Variants in C10orf143 observed in about 807,000 individuals in gnomAD.
The protein encoded by C10orf143 is chromosome 10 open reading frame 143, also known as uncharacterized protein C10orf143.
downstream of C10orf143, among the ~76,000 whole-genome samples, chr10:130,061,913 G>C (rs568631366): frequency 3.3e-5 from 5 of 152,150 alleles, no homozygotes; most frequent in Non-Finnish European, 7.3e-5. Context: ...CCTGTGGCCA[G>C]GGATGACTCT....
intron 4 of C10orf143, among the ~76,000 whole-genome samples, chr10:130,035,591 C>T (rs956593855): frequency 1.1e-4 from 16 of 152,220 alleles, no homozygotes; most frequent in African/African-American, 3.4e-4. Flanking sequence ...TGCCCCCTCA[C>T]TGCTTACTCG....
intron 1 of C10orf143, among the ~76,000 whole-genome samples, chr10:130,095,714 A>G (rs1184592): frequency 0.94 from 142,823 of 152,252 alleles, 67,032 homozygotes; most frequent in African/African-American, 0.96. Context: ...TTTAATAAAT[A>G]GTGTTGGGAA....
chr10:130,072,217 A>G (rs899421686), intron 3 of C10orf143, among the ~76,000 whole-genome samples: 1 of 152,246 alleles, frequency 6.6e-6, no homozygotes, highest in African/African-American at 2.4e-5. Flanking sequence ...TAATGGTCAC[A>G]GCTTTGTAAT....
rs561716604 is a variant in C10orf143, at chr10:130,098,408, T to C, written c.69+12296A>G. Among the ~76,000 whole-genome samples, 3 of 152,314 alleles carry C rather than the reference T, an allele frequency of 2.0e-5. No individual in the cohort carries two copies. In the East Asian group the frequency reaches 5.8e-4, roughly 29 times the overall value. ...GAGAAATCTAAAAAGATAGTAGCTA[T>C]GTGATGATAATGAAGGGTGACCATG... On this transcript the variant is annotated intron_variant, in intron 1 of 3. Coordinates refer to ENST00000637128, the MANE Select transcript of C10orf143 (RefSeq NM_001355042.2).
chr10:130,068,276 CAG>C, intron 3 of C10orf143: 1 of 152,314 alleles, frequency 6.6e-6, no homozygotes, highest in Non-Finnish European at 1.5e-5. Flanking sequence ...ATGAACTTAC[CAG>C]AGACTTCACC....
intron 3 of C10orf143, among the ~76,000 whole-genome samples, chr10:130,038,496 G>T (rs1860569981): frequency 6.6e-6 from 1 of 152,156 alleles, no homozygotes. Context: ...TGATGAGCCT[G>T]TGTAACACTT....
Position 130,110,306 on chromosome 10 carries a change from G to T in C10orf143, c.69+398C>A, listed in dbSNP as rs192407611. Reference sequence around the variant, plus strand: ...ACACCCAGCCCTGGGCCTGGCACGTGGCAGGCGCTCAGTGAACGAGACTCA... The same window carrying T: ...ACACCCAGCCCTGGGCCTGGCACGTTGCAGGCGCTCAGTGAACGAGACTCA... On this transcript the variant is annotated intron_variant, in intron 1 of 3. Transcript: ENST00000637128. 4.6e-5 allele frequency among the ~76,000 whole-genome samples: 7 copies of T among 152,318 alleles called. No homozygotes were observed. The East Asian group carries it at 1.2e-3, about 25-fold the overall frequency.
rs764477540 is a variant in C10orf143 at position 130,066,182 on chromosome 10, ATTTT to A, written c.298-1803_298-1800del. ...CATCAATTTGAGGACTGAGACCTGG[ATTTT>A]TTTTTTTTTTTTTTTTTTTGAGACA... is the stretch of plus-strand genomic sequence containing the variant. On this transcript the variant is annotated intron_variant, in intron 3 of 3. Coordinates refer to ENST00000637128, the MANE Select transcript of C10orf143 (RefSeq NM_001355042.2). 2.9e-3 allele frequency: 329 copies of A among 112,864 alleles called. 2 individuals carry two copies. Among genetic ancestry groups the A allele is most frequent in the African/African-American group, 8.4e-3 (258 of 30,570 alleles). 7.0% of individuals were successfully genotyped at this position (112,864 alleles called of 1,614,324 possible). A position where few individuals can be genotyped will look rare whatever the true frequency, so the allele number is the denominator to read the frequency against.
Position 130,108,371 on chromosome 10 carries a change from G to A in C10orf143, c.69+2333C>T, listed in dbSNP as rs182265512. On this transcript the variant is annotated intron_variant, in intron 1 of 3. Coordinates refer to ENST00000637128, the MANE Select transcript of C10orf143 (RefSeq NM_001355042.2). ...TTTCCCCCGACCCCCACATTCTGAA[G>A]GTAGAAGTGAGTTCCCTTCAGGGCT... The A allele has an allele frequency of 1.7e-4, 199 of 1,184,072 alleles. No individual in the cohort carries two copies. The African/African-American group carries it at 2.0e-3, about 12-fold the overall frequency. The allele number at this position is 1,184,072 out of a possible 1,614,324, so 73.3% of individuals were successfully genotyped here.
At chr10:130,041,319 G>A (rs1489391689) in intron 3 of C10orf143, among the ~76,000 whole-genome samples, 3 of 152,220 alleles carry the variant, frequency 2.0e-5, no homozygotes, top group Admixed American at 2.0e-4. Context: ...CAGGGGACAA[G>A]GCTGGGACAG....
intron 1 of C10orf143, among the ~76,000 whole-genome samples, chr10:130,081,130 A>C (rs1861201155): frequency 6.6e-6 from 1 of 152,230 alleles, no homozygotes; most frequent in African/African-American, 2.4e-5. Flanking sequence ...AAGGCTAAAA[A>C]TAAAAAGGAT....
At chr10:130,107,867 C>T (rs987937570) in intron 1 of C10orf143, 1 of 1,263,146 alleles carries the variant, frequency 7.9e-7, no homozygotes, top group South Asian at 1.2e-5. Context: ...GTTTCCTCCA[C>T]CAGCGCAATC....
intron 1 of C10orf143, among the ~76,000 whole-genome samples, chr10:130,094,015 T>TA (rs61617138): frequency 1.6e-3 from 219 of 137,690 alleles, no homozygotes; most frequent in South Asian, 0.012. Context: ...ATCTCACCAT[T>TA]AAAAAAAAAA....
At position 130,107,678 on chromosome 10, in the gene C10orf143, C is replaced by G. The variant is rs781202193; in HGVS notation, c.69+3026G>C. On this transcript the variant is annotated intron_variant, in intron 1 of 3. Coordinates refer to ENST00000637128, the MANE Select transcript of C10orf143 (RefSeq NM_001355042.2). ...AACTCTGTTGGAGGGTCCACTCAGACTCTCACCTTTGCCTCCAGGGGGGGA... is the reference window on the plus strand; with the variant it reads ...AACTCTGTTGGAGGGTCCACTCAGAGTCTCACCTTTGCCTCCAGGGGGGGA... 3.1e-6 allele frequency: 4 copies of G among 1,296,014 alleles called. No individual in the cohort carries two copies. In the African/African-American group the frequency reaches 5.8e-5, roughly 19 times the overall value. The allele number at this position is 1,296,014 out of a possible 1,614,324, so 80.3% of individuals were successfully genotyped here. A position where few individuals can be genotyped will look rare whatever the true frequency, so the allele number is the denominator to read the frequency against.
At chr10:130,106,576 A>G in intron 1 of C10orf143, 1 of 1,553,264 alleles carries the variant, frequency 6.4e-7, no homozygotes, top group Non-Finnish European at 8.9e-7. Context: ...AGCCTCTAGC[A>G]GATGAGTCAG....
chr10:130,088,217 T>C (rs1315212460), intron 1 of C10orf143, among the ~76,000 whole-genome samples: 1 of 152,122 alleles, frequency 6.6e-6, no homozygotes, highest in Non-Finnish European at 1.5e-5. Flanking sequence ...ATTCCGTCTC[T>C]ACTAAACATA....
At position 130,106,947 on chromosome 10, in the gene C10orf143, C is replaced by G. The variant is rs576248518; in HGVS notation, c.69+3757G>C. 4,398 of 998,978 alleles carry G rather than the reference C, an allele frequency of 4.4e-3. 19 individuals are homozygous for G. Among genetic ancestry groups the G allele is most frequent in the South Asian group, 6.8e-3 (531 of 78,618 alleles). The allele number at this position is 998,978 out of a possible 1,614,324, so 61.9% of individuals were successfully genotyped here. On this transcript the variant is annotated intron_variant, in intron 1 of 3. Transcript: ENST00000637128. ...GTGAACAGTGAATCAGAAGATGGTG[C>G]TTACTTAGATGATCCTCTAAAAGGA...
chr10:130,079,401 C>T (rs915952992), intron 3 of C10orf143, among the ~76,000 whole-genome samples, 165 bp downstream of exon 3: 6 of 152,214 alleles, frequency 3.9e-5, no homozygotes, highest in African/African-American at 1.4e-4. Context: ...TTAGTTTGTA[C>T]ACCGATAGAA....
chr10:130,058,580 A>AC (rs1860820955), intron 3 of C10orf143, among the ~76,000 whole-genome samples: 1 of 144,078 alleles, frequency 6.9e-6, no homozygotes, highest in Non-Finnish European at 1.5e-5. Context: ...TTTAAACAGC[A>AC]TTTTTTTTTT....
Sources: gnomAD v4.1 joint callset for allele counts (sites outside exome capture counted in the v4.1 genomes callset) on GRCh38, gnomAD v4.1.1 for gene constraint, MANE v1.5 for transcripts, NCBI Gene and HGNC (gene_info 2026-07-23, HGNC 2026-07-21) for gene names.